KIRREL3: variants seen among roughly 807,000 people sequenced by gnomAD.
The protein encoded by KIRREL3 is kin of IRRE-like protein 3.
Under a neutral mutation model 89.7 loss-of-function variants are expected in KIRREL3, and 36 were observed. The observed-to-expected ratio is 0.40, with a 90% CI of 0.31 to 0.53. The LOEUF (loss-of-function observed/expected upper bound fraction) is 0.53, where lower values mean the gene tolerates loss of function less well. Among genes scored for constraint, KIRREL3 ranks in the 20% least tolerant of loss-of-function variants. The pLI, the probability that KIRREL3 is intolerant of heterozygous loss-of-function variation, is 0.49. For synonymous variants in KIRREL3, 445 were observed against 441.4 expected (o/e 1.01, Z -0.10); for missense variants, 864 against 1,056.6 (o/e 0.82, Z 2.53).
chr11:126,972,431 G>C (rs1167069286), intron 1 of KIRREL3, among the ~76,000 whole-genome samples: 2 of 151,888 alleles, frequency 1.3e-5, no homozygotes, highest in South Asian at 2.1e-4. Flanking sequence ...TAGAGTGCAA[G>C]CCACCATGAT....
At position 126,571,742 on chromosome 11, in the gene KIRREL3, A is replaced by G. The variant is rs1940944185; in HGVS notation, c.56-8830T>C. ...ATGAGATTCTTTGGACTTCCAGTAT[A>G]ATCCGTTTGTGAGAGGGGTGGGGCG... On this transcript the variant is annotated intron_variant, in intron 1 of 16. Transcript: ENST00000525144. The surrounding 1 kb of genome is among the most constrained non-coding windows in gnomAD (Gnocchi z 7.7). 6.6e-6 allele frequency among the ~76,000 whole-genome samples: 1 copy of G among 152,112 alleles called. No homozygotes were observed. Among genetic ancestry groups the G allele is most frequent in the East Asian group, 1.9e-4 (1 of 5,196 alleles).
rs993001808 is a variant in KIRREL3 at position 126,475,682 on chromosome 11, C to A, written c.434-2216G>T. 1.3e-5 allele frequency among the ~76,000 whole-genome samples: 2 copies of A among 152,328 alleles called. No individual in the cohort carries two copies. Among genetic ancestry groups the A allele is most frequent in the East Asian group, 1.9e-4 (1 of 5,164 alleles). ...GGGATGGATGGAGAAGACGACCCCCCAGCCGCCCACCCCACACCCTTTCAT... is the reference window on the plus strand; with the variant it reads ...GGGATGGATGGAGAAGACGACCCCCAAGCCGCCCACCCCACACCCTTTCAT... On this transcript the variant is annotated intron_variant, in intron 4 of 16. Transcript: ENST00000525144. This position sits in a 1 kb window ranked among gnomAD's most constrained non-coding sequence, Gnocchi z 7.5.
chr11:126,589,117 C>G (rs1942015369), intron 1 of KIRREL3, among the ~76,000 whole-genome samples: 1 of 152,240 alleles, frequency 6.6e-6, no homozygotes, highest in South Asian at 2.1e-4. Flanking sequence ...GCAATTACTG[C>G]TGCCCTGGAG....
intron 1 of KIRREL3, among the ~76,000 whole-genome samples, chr11:126,787,128 CATA>C (rs1051548752): frequency 6.6e-6 from 1 of 152,120 alleles, no homozygotes; most frequent in Admixed American, 6.5e-5. Flanking sequence ...GTGGGCTGAA[CATA>C]ATGTTAGTTC....
At chr11:126,588,669 A>T (rs566513985) in intron 1 of KIRREL3, among the ~76,000 whole-genome samples, 2 of 152,274 alleles carry the variant, frequency 1.3e-5, no homozygotes, top group South Asian at 4.1e-4. Context: ...ATAATTTACC[A>T]ATTTATTATG....
chr11:126,712,289 G>A (rs545923086), intron 1 of KIRREL3, among the ~76,000 whole-genome samples: 34 of 152,282 alleles, frequency 2.2e-4, no homozygotes, highest in East Asian at 1.2e-3. Flanking sequence ...GTGTGTGCGC[G>A]CGTGCATGCA....
intron 7 of KIRREL3, among the ~76,000 whole-genome samples, chr11:126,451,753 C>T (rs868817458): frequency 1.3e-4 from 20 of 152,322 alleles, no homozygotes; most frequent in African/African-American, 4.8e-4. Flanking sequence ...GGCTTCCTTA[C>T]GGATCTCCAG....
intron 10 of KIRREL3, among the ~76,000 whole-genome samples, chr11:126,442,494 A>T (rs1439190980): frequency 6.6e-6 from 1 of 152,058 alleles, no homozygotes; most frequent in Non-Finnish European, 1.5e-5. Flanking sequence ...GGTTAGTAAG[A>T]TTTCTCTCCC....
At chr11:126,944,853 T>C (rs1359553376) in intron 1 of KIRREL3, 1 of 152,206 alleles carries the variant, frequency 6.6e-6, no homozygotes, top group African/African-American at 2.4e-5. Flanking sequence ...GCATGGGGGA[T>C]TGTCAGATAT....
At chr11:126,998,063 G>A (rs549546212) in intron 1 of KIRREL3, among the ~76,000 whole-genome samples, 1 of 152,208 alleles carries the variant, frequency 6.6e-6, no homozygotes, top group Non-Finnish European at 1.5e-5. Flanking sequence ...AGCCATGTGG[G>A]CTAGACCTCC....
In KIRREL3 at chr11:126,576,178, G is replaced by A. The variant is rs746606740; in HGVS notation, c.56-13266C>T. ...ACTGTGTGTCCCTTCAAAATTCTGG[G>A]GGCCAAGATGAGGGCTGAGGTCTGA... On this transcript the variant is annotated intron_variant, in intron 1 of 16. Transcript: ENST00000525144. This position sits in a 1 kb window ranked among gnomAD's most constrained non-coding sequence, Gnocchi z 5.4. Among the ~76,000 whole-genome samples, 29 of 152,232 alleles carry A rather than the reference G, an allele frequency of 1.9e-4. No homozygotes were observed. The highest frequency in any genetic ancestry group is 6.8e-3 in the Middle Eastern group (2 of 294).
chr11:126,787,903 G>A (rs942200883), intron 1 of KIRREL3, among the ~76,000 whole-genome samples: 24 of 152,276 alleles, frequency 1.6e-4, no homozygotes, highest in African/African-American at 5.5e-4. Flanking sequence ...CATTCATTAA[G>A]TTTGTATTTA....
In KIRREL3 at chr11:126,492,010, G is replaced by A. The variant is rs544491186; in HGVS notation, c.434-18544C>T. The stretch of plus-strand genomic sequence containing the variant: ...AGCCACCACGCCTGGGAGATTTGGA[G>A]TATTGATAGAGGGATTTCAGAATCT... On this transcript the variant is annotated intron_variant, in intron 4 of 16. Transcript: ENST00000525144. The surrounding 1 kb of genome is among the most constrained non-coding windows in gnomAD (Gnocchi z 4.8). 1.3e-5 allele frequency among the ~76,000 whole-genome samples: 2 copies of A among 152,304 alleles called. No homozygotes were observed. The highest frequency in any genetic ancestry group is 4.8e-5 in the African/African-American group (2 of 41,566).
rs1368327517 is a variant in KIRREL3 at position 126,522,428 on chromosome 11, C to G, written c.284-964G>C. On this transcript the variant is annotated intron_variant, in intron 3 of 16. Coordinates refer to ENST00000525144, the MANE Select transcript of KIRREL3 (RefSeq NM_032531.4). This position sits in a 1 kb window ranked among gnomAD's most constrained non-coding sequence, Gnocchi z 6.0. ...AGGAACCTTGGGTCACTTTGAGTCACAGTGGACCCTGTCTAGTCATTCCTC... is the reference window on the plus strand; with the variant it reads ...AGGAACCTTGGGTCACTTTGAGTCAGAGTGGACCCTGTCTAGTCATTCCTC... Among the ~76,000 whole-genome samples the G allele has an allele frequency of 6.6e-6, 1 of 152,214 alleles. No individual in the cohort carries two copies. The highest frequency in any genetic ancestry group is 1.5e-5 in the Non-Finnish European group (1 of 68,032).
rs183275315 is a variant in KIRREL3 at position 126,574,511 on chromosome 11, C to T, written c.56-11599G>A. 6.6e-6 allele frequency among the ~76,000 whole-genome samples: 1 copy of T among 152,140 alleles called. No homozygotes were observed. The highest frequency in any genetic ancestry group is 1.5e-5 in the Non-Finnish European group (1 of 68,036). Reference sequence around the variant, plus strand: ...AATAAGAACATGAAAGTTTATTTACCACGAGGCCAGCCCAGTGGGAGGCAG... The same window carrying T: ...AATAAGAACATGAAAGTTTATTTACTACGAGGCCAGCCCAGTGGGAGGCAG... On this transcript the variant is annotated intron_variant, in intron 1 of 16. Coordinates refer to ENST00000525144, the MANE Select transcript of KIRREL3 (RefSeq NM_032531.4). The surrounding 1 kb of genome is among the most constrained non-coding windows in gnomAD (Gnocchi z 5.3).
At position 126,763,187 on chromosome 11, in the gene KIRREL3, GAAC is replaced by G. The variant is rs1337330839; in HGVS notation, c.56-200278_56-200276del. Among the ~76,000 whole-genome samples the G allele has an allele frequency of 6.6e-6, 1 of 152,196 alleles. No individual in the cohort carries two copies. Among genetic ancestry groups the G allele is most frequent in the African/African-American group, 2.4e-5 (1 of 41,456 alleles). On this transcript the variant is annotated intron_variant, in intron 1 of 16. Transcript: ENST00000525144. This position sits in a 1 kb window ranked among gnomAD's most constrained non-coding sequence, Gnocchi z 4.7. ...TGTTGTCAGCAAGCTGTGTGATCTT[GAAC>G]AACTCCTCTTCTCCCTGAGCAAAAT...
chr11:126,510,479 A>C (rs1431449967), intron 4 of KIRREL3, among the ~76,000 whole-genome samples: 1 of 83,240 alleles, frequency 1.2e-5, no homozygotes, highest in Non-Finnish European at 2.1e-5. Flanking sequence ...CTTTTTTTTG[A>C]GATAGGGGTC....
At chr11:126,504,446 C>T (rs1957960686) in intron 4 of KIRREL3, among the ~76,000 whole-genome samples, 1 of 152,190 alleles carries the variant, frequency 6.6e-6, no homozygotes, top group Admixed American at 6.5e-5. Context: ...GACTTCGTCA[C>T]TTCTATGAGT....
Position 126,561,831 on chromosome 11 carries a change from C to T in KIRREL3, c.133+1004G>A, listed in dbSNP as rs187164819. On this transcript the variant is annotated intron_variant, in intron 2 of 16. Coordinates refer to ENST00000525144, the MANE Select transcript of KIRREL3 (RefSeq NM_032531.4). This position sits in a 1 kb window ranked among gnomAD's most constrained non-coding sequence, Gnocchi z 4.5. The stretch of plus-strand genomic sequence containing the variant: ...CTGGCAAAGTCTCAGGCATGGGGAG[C>T]GCATGGGGATGTGGTTGTCGTGGTC... Among the ~76,000 whole-genome samples the T allele has an allele frequency of 7.2e-5, 11 of 152,132 alleles. No homozygotes were observed. Among genetic ancestry groups the T allele is most frequent in the Non-Finnish European group, 1.2e-4 (8 of 68,000 alleles).
Sources: allele counts gnomAD v4.1 joint callset (sites outside exome capture counted in the v4.1 genomes callset), GRCh38; gene constraint gnomAD v4.1.1; non-coding constraint Gnocchi (gnomAD v3.1); transcripts MANE v1.5; gene names NCBI Gene and HGNC (gene_info 2026-07-23, HGNC 2026-07-21).